VAV2: variants seen among roughly 807,000 people sequenced by gnomAD.
VAV2 encodes the protein vav guanine nucleotide exchange factor 2.
Under a neutral mutation model 132.5 loss-of-function variants are expected in VAV2, and 67 were observed. The observed-to-expected ratio is 0.51, with a 90% CI of 0.42 to 0.62. VAV2 has a LOEUF of 0.62. VAV2 is among the 20% of genes least tolerant of loss of function. The pLI, the probability that VAV2 is intolerant of heterozygous loss-of-function variation, is 0.00. For missense variants in VAV2, 938 were observed against 1,153.6 expected (o/e 0.81, Z 2.71); for synonymous variants, 492 against 443.5 (o/e 1.11, Z -1.37).
At chr9:133,980,011 A>G (rs1302709167) in intron 1 of VAV2, among the ~76,000 whole-genome samples, 1 of 152,246 alleles carries the variant, frequency 6.6e-6, no homozygotes, top group Admixed American at 6.5e-5. Flanking sequence ...TCTGCGGCTC[A>G]ATGCCACGAG....
chr9:133,958,853 G>C (rs573099358), intron 1 of VAV2, among the ~76,000 whole-genome samples: 161 of 152,310 alleles, frequency 1.1e-3, no homozygotes, highest in African/African-American at 3.8e-3. Flanking sequence ...TTTGTGCCAG[G>C]CTCCAGGCAC....
chr9:133,796,031 C>T (rs75739140), intron 11 of VAV2, among the ~76,000 whole-genome samples: 1,565 of 152,356 alleles, frequency 0.01, 29 homozygotes, highest in African/African-American at 0.035. Context: ...CAGCATTCCA[C>T]GGGAAAAGGG....
In VAV2 at chr9:133,992,076, T is replaced by A; in HGVS notation, c.203A>T (p.Gln68Leu). The A allele has an allele frequency of 6.4e-7, 1 of 1,569,820 alleles. No homozygotes were observed. The highest frequency in any genetic ancestry group is 8.6e-7 in the Non-Finnish European group (1 of 1,159,464). The change falls in exon 1 of 30, where the codon CAG becomes CTG. Residue 68 changes from glutamine (Q) to leucine (L), a missense_variant and splice_region_variant. Coordinates refer to ENST00000371850, the MANE Select transcript of VAV2 (RefSeq NM_001134398.2). This position sits in a 1 kb window ranked among gnomAD's most constrained non-coding sequence, Gnocchi z 5.5. Reference sequence around the variant, plus strand: ...CCCTCCCGCCCGCCGGGCGCTCACCTGGGACATCTGCGGCCGGAAGTTGAT... The same window carrying A: ...CCCTCCCGCCCGCCGGGCGCTCACCAGGGACATCTGCGGCCGGAAGTTGAT... Reference protein sequence around the residue: ...KDINFRPQMSQFLCLKNIRTF... With the variant: ...KDINFRPQMSLFLCLKNIRTF...
intron 1 of VAV2, among the ~76,000 whole-genome samples, chr9:133,972,292 A>T (rs898896474): frequency 2.6e-5 from 4 of 152,150 alleles, no homozygotes; most frequent in African/African-American, 7.2e-5. Context: ...CCCGCTAACT[A>T]AACAGTCAGG....
chr9:133,790,805 C>CT (rs1312750955), intron 13 of VAV2, among the ~76,000 whole-genome samples: 11 of 152,098 alleles, frequency 7.2e-5, no homozygotes, highest in African/African-American at 2.7e-4. Flanking sequence ...AGGGCATTCT[C>CT]TTTGTGCTGC....
At chr9:133,779,418 CAG>C (rs148206165) in intron 21 of VAV2, among the ~76,000 whole-genome samples, 3,405 of 152,198 alleles carry the variant, frequency 0.022, 54 homozygotes, top group Middle Eastern at 0.048. Context: ...CCGCCTGGCC[CAG>C]CAGCAGCAGC....
chr9:133,867,285 G>A (rs546425568), intron 2 of VAV2, among the ~76,000 whole-genome samples: 11 of 152,342 alleles, frequency 7.2e-5, no homozygotes, highest in Admixed American at 6.5e-4. Flanking sequence ...AGCCCATCTC[G>A]CCAGGTGGTG....
chr9:133,950,774 A>G (rs1347610249), intron 1 of VAV2, among the ~76,000 whole-genome samples: 1 of 151,934 alleles, frequency 6.6e-6, no homozygotes, highest in Non-Finnish European at 1.5e-5. Flanking sequence ...TGCAGCCCAC[A>G]AGCCATCTGT....
chr9:133,800,885 C>T (rs542310796), intron 9 of VAV2, among the ~76,000 whole-genome samples: 3 of 152,352 alleles, frequency 2.0e-5, no homozygotes, highest in Admixed American at 2.0e-4. Flanking sequence ...AAACTCTTCC[C>T]TATCATTGCC....
chr9:133,922,930 A>T (rs1433031884), intron 2 of VAV2, among the ~76,000 whole-genome samples: 1 of 152,226 alleles, frequency 6.6e-6, no homozygotes, highest in Non-Finnish European at 1.5e-5. Context: ...GAATAGAAGC[A>T]AATATTTGCA....
rs1841955356 is a variant in VAV2 at position 133,961,211 on chromosome 9, G to A, written c.205-21992C>T. Among the ~76,000 whole-genome samples, 2 of 152,368 alleles carry A rather than the reference G, an allele frequency of 1.3e-5. 1 individual carries two copies. Among genetic ancestry groups the A allele is most frequent in the Middle Eastern group, 6.8e-3 (2 of 294 alleles). On this transcript the variant is annotated intron_variant, in intron 1 of 29. Transcript: ENST00000371850. This position sits in a 1 kb window ranked among gnomAD's most constrained non-coding sequence, Gnocchi z 4.1. ...ACAATCACTGCAGTCCAACAGAATA[G>A]TCAACCTTTTGATCTCAGAGGAGTG... is the stretch of plus-strand genomic sequence containing the variant.
At chr9:133,795,300 G>A (rs960093530) in intron 12 of VAV2, among the ~76,000 whole-genome samples, 1 of 151,996 alleles carries the variant, frequency 6.6e-6, no homozygotes, top group Admixed American at 6.5e-5. Flanking sequence ...AGATGGCACC[G>A]GAGGTGGCAT....
At chr9:133,864,622 G>C (rs62576551) in intron 2 of VAV2, among the ~76,000 whole-genome samples, 1 of 152,176 alleles carries the variant, frequency 6.6e-6, no homozygotes, top group African/African-American at 2.4e-5. Context: ...TCCTACCCCC[G>C]CCACCCCACA....
chr9:133,904,307 A>G (rs951901183), intron 2 of VAV2, among the ~76,000 whole-genome samples: 2 of 152,264 alleles, frequency 1.3e-5, no homozygotes, highest in Non-Finnish European at 2.9e-5. Flanking sequence ...GCTCTAAGAC[A>G]TTAAAAAGAC....
chr9:133,960,563 C>T (rs911624107), intron 1 of VAV2, among the ~76,000 whole-genome samples: 29 of 152,240 alleles, frequency 1.9e-4, no homozygotes, highest in African/African-American at 6.8e-4. Flanking sequence ...AATTATTTCC[C>T]AAGCCAGGGG....
intron 1 of VAV2, among the ~76,000 whole-genome samples, chr9:133,943,216 G>A (rs567478109): frequency 1.1e-4 from 16 of 152,270 alleles, no homozygotes; most frequent in Admixed American, 5.2e-4. Flanking sequence ...GTCTGTGGTC[G>A]CTCTGGAGCC....
At chr9:133,797,626 G>A in intron 10 of VAV2, 84 bp downstream of exon 10, 1 of 1,220,576 alleles carries the variant, frequency 8.2e-7, no homozygotes. Context: ...AAATGGGCAA[G>A]AGAGAGGCTG....
chr9:133,915,838 ACAC>A (rs1334353547), intron 2 of VAV2, among the ~76,000 whole-genome samples: 7 of 146,220 alleles, frequency 4.8e-5, no homozygotes, highest in Admixed American at 6.8e-5. Flanking sequence ...ACACGTGCAC[ACAC>A]AACGCACACA....
intron 3 of VAV2, among the ~76,000 whole-genome samples, chr9:133,853,957 G>A (rs1405913093): frequency 2.6e-5 from 4 of 152,144 alleles, no homozygotes; most frequent in African/African-American, 9.7e-5. Flanking sequence ...GCAAGATCCA[G>A]GCCTGCCGGG....
Sources: allele counts gnomAD v4.1 joint callset (sites outside exome capture counted in the v4.1 genomes callset), GRCh38; gene constraint gnomAD v4.1.1; non-coding constraint Gnocchi (gnomAD v3.1); transcripts MANE v1.5; gene names NCBI Gene and HGNC (gene_info 2026-07-23, HGNC 2026-07-21).